Variants in ARMC3 observed in about 807,000 individuals in gnomAD.
ARMC3 encodes armadillo repeat-containing protein 3.
In ARMC3, 74 loss-of-function variants were observed where a neutral mutation model predicts 90.3. The observed-to-expected ratio is 0.82, with a 90% CI of 0.68 to 0.99. The LOEUF (loss-of-function observed/expected upper bound fraction) is 0.99. Ranked by LOEUF, ARMC3 falls within the 50% of genes least tolerant of loss-of-function variation. ARMC3 has a pLI of 0.00. For missense variants in ARMC3, 958 were observed against 1,042.8 expected (o/e 0.92, Z 1.12); for synonymous variants, 334 against 361.8 (o/e 0.92, Z 0.87).
At chr10:23,017,488 G>A (rs958085678) in intron 16 of ARMC3, among the ~76,000 whole-genome samples, 1 of 152,162 alleles carries the variant, frequency 6.6e-6, no homozygotes, top group Non-Finnish European at 1.5e-5. Context: ...TGATTGACCG[G>A]GCATGGTGGC....
chr10:22,944,732 C>A (rs1350855581), intron 2 of ARMC3, among the ~76,000 whole-genome samples: 1 of 152,170 alleles, frequency 6.6e-6, no homozygotes, highest in Non-Finnish European at 1.5e-5. Context: ...CAAACCCTAA[C>A]TACATTCAGA....
At chr10:22,962,492 G>T (rs999044985) in intron 7 of ARMC3, among the ~76,000 whole-genome samples, 1 of 152,052 alleles carries the variant, frequency 6.6e-6, no homozygotes, top group African/African-American at 2.4e-5. Flanking sequence ...GTGCCTTCTG[G>T]GATCTCCTGG....
chr10:23,024,005 G>A (rs1838614497), intron 16 of ARMC3, among the ~76,000 whole-genome samples: 1 of 152,160 alleles, frequency 6.6e-6, no homozygotes. Flanking sequence ...AAGAAGAGGA[G>A]AAGATTCCAA....
At chr10:22,958,285 T>G (rs1266136497) in intron 4 of ARMC3, among the ~76,000 whole-genome samples, 1 of 152,232 alleles carries the variant, frequency 6.6e-6, no homozygotes, top group Non-Finnish European at 1.5e-5. Context: ...ATATACTTAT[T>G]TTTAAGCATT....
At chr10:22,932,295 C>A (rs1260624495) in intron 2 of ARMC3, among the ~76,000 whole-genome samples, 1 of 152,178 alleles carries the variant, frequency 6.6e-6, no homozygotes, top group Non-Finnish European at 1.5e-5. Flanking sequence ...ATGTTTATAG[C>A]ATAGTTAATG....
chr10:23,025,229 A>G (rs964855310), intron 16 of ARMC3, among the ~76,000 whole-genome samples: 1 of 152,160 alleles, frequency 6.6e-6, no homozygotes, highest in African/African-American at 2.4e-5. Flanking sequence ...GATACAGAAG[A>G]TTTCAGCAAC....
chr10:22,951,302 G>A (rs578078348), intron 3 of ARMC3, among the ~76,000 whole-genome samples: 18 of 152,244 alleles, frequency 1.2e-4, no homozygotes, highest in African/African-American at 4.3e-4. Flanking sequence ...AATAATGCAA[G>A]GAGAAATAGA....
chr10:22,962,058 A>G lies in ARMC3; in HGVS notation c.712A>G (p.Ile238Val), dbSNP rs370375510. The G allele has an allele frequency of 3.3e-5, 52 of 1,577,312 alleles. No homozygotes were observed. The African/African-American group carries it at 6.6e-4, about 20-fold the overall frequency. Residue 238 changes from isoleucine (I) to valine (V), a missense_variant, in exon 7 of 19, where the codon ATT (isoleucine) becomes GTT (valine). Ile to Val is a conservative substitution (Grantham distance 29). Coordinates refer to ENST00000298032, the MANE Select transcript of ARMC3 (RefSeq NM_173081.5). ...LRDNQGLDHL[I>V]KILETKELND... ...AGACAATCAAGGATTGGACCATCTT[A>G]TTAAGATCCTAGAAACTAAGGTATT...
chr10:22,975,620 C>T (rs959212193), intron 8 of ARMC3, among the ~76,000 whole-genome samples: 1 of 152,028 alleles, frequency 6.6e-6, no homozygotes, highest in African/African-American at 2.4e-5. Context: ...ATTGTTCAAG[C>T]CTGATTTGCA....
chr10:23,033,085 G>C, intron 18 of ARMC3, 62 bp downstream of exon 18: 1 of 1,506,250 alleles, frequency 6.6e-7, no homozygotes, highest in Non-Finnish European at 9.1e-7. Context: ...TATCATACTG[G>C]AGTAGGCCAG....
At chr10:22,998,701 T>A (rs1837132649) in intron 11 of ARMC3, among the ~76,000 whole-genome samples, 1 of 152,170 alleles carries the variant, frequency 6.6e-6, no homozygotes, top group Non-Finnish European at 1.5e-5. Context: ...AAACAAATTG[T>A]CCAATTGTTA....
intron 2 of ARMC3, among the ~76,000 whole-genome samples, chr10:22,932,369 GTTAA>G (rs1175512843): frequency 4.6e-5 from 7 of 152,152 alleles, no homozygotes. Context: ...TCTCATTTAT[GTTAA>G]TTAATCAAGT....
intron 9 of ARMC3, 50 bp downstream of exon 9, chr10:22,981,542 T>C (rs1303367888): frequency 6.2e-7 from 1 of 1,613,312 alleles, no homozygotes; most frequent in Admixed American, 1.7e-5. Context: ...TTACCGTATT[T>C]TAGTGCACAT....
At chr10:23,023,997 G>T (rs928329017) in intron 16 of ARMC3, among the ~76,000 whole-genome samples, 6 of 152,106 alleles carry the variant, frequency 3.9e-5, no homozygotes, top group African/African-American at 1.2e-4. Flanking sequence ...TTTGATTAAA[G>T]AAGAGGAGAA....
intron 16 of ARMC3, among the ~76,000 whole-genome samples, chr10:23,010,477 TCCTCC>T (rs1837905853): frequency 3.2e-5 from 1 of 31,360 alleles, no homozygotes; most frequent in African/African-American, 9.5e-5. Flanking sequence ...TTCCTTTCCC[TCCTCC>T]CTCCTTCCTT....
Position 23,008,260 on chromosome 10 carries a change from ATG to A in ARMC3, c.1830-12_1830-11del, listed in dbSNP as rs1259251297. The A allele has an allele frequency of 7.9e-7, 1 of 1,269,512 alleles. No homozygotes were observed. Among genetic ancestry groups the A allele is most frequent in the South Asian group, 1.4e-5 (1 of 71,096 alleles). The allele number at this position is 1,269,512 out of a possible 1,614,324, so 78.6% of individuals were successfully genotyped here. On this transcript the variant is annotated splice_polypyrimidine_tract_variant and intron_variant, in intron 14 of 18. Transcript: ENST00000298032. ...AATTTTAATCTATATATAATTTTAA[ATG>A]TGTAAAATTTTAGTTCTCCACCTTC...
rs1228178020 is a variant in ARMC3 at position 23,037,684 on chromosome 10, T to C, written c.*205T>C. The C allele has an allele frequency of 5.7e-6, 3 of 523,328 alleles. No homozygotes were observed. Among genetic ancestry groups the C allele is most frequent in the Non-Finnish European group, 9.8e-6 (3 of 305,008 alleles). The allele number at this position is 523,328 out of a possible 1,614,324, so 32.4% of individuals were successfully genotyped here. A position where few individuals can be genotyped will look rare whatever the true frequency, so the allele number is the denominator to read the frequency against. On this transcript the variant is annotated 3_prime_UTR_variant, in exon 19 of 19. Coordinates refer to ENST00000298032, the MANE Select transcript of ARMC3 (RefSeq NM_173081.5). The stretch of plus-strand genomic sequence containing the variant: ...GCTTTTGGCAAGAGTTCTGTCTTAT[T>C]AGGTCATTTTCCGCTCACTGACCCT...
intron 7 of ARMC3, among the ~76,000 whole-genome samples, chr10:22,965,325 G>C (rs988392611): frequency 3.3e-5 from 5 of 152,088 alleles, no homozygotes; most frequent in African/African-American, 1.2e-4. Context: ...ATTTTTGCTT[G>C]ATACAAAATT....
chr10:23,018,661 T>C (rs1307247740), intron 16 of ARMC3, among the ~76,000 whole-genome samples: 2 of 151,614 alleles, frequency 1.3e-5, no homozygotes, highest in African/African-American at 4.9e-5. Flanking sequence ...GGACTACAGG[T>C]GCCTGCCACC....
Sources: gnomAD v4.1 joint callset for allele counts (sites outside exome capture counted in the v4.1 genomes callset) on GRCh38, gnomAD v4.1.1 for gene constraint, MANE v1.5 for transcripts, NCBI Gene and HGNC (gene_info 2026-07-23, HGNC 2026-07-21) for gene names.